The following USP6 variants were observed in gnomAD, a reference collection of about 807,000 sequenced individuals.
USP6 encodes ubiquitin specific peptidase 6, also known as ubiquitin carboxyl-terminal hydrolase 6.
In USP6, 128 loss-of-function variants were observed where a neutral mutation model predicts 175.7. The observed-to-expected ratio is 0.73, with a 90% CI of 0.63 to 0.84. The LOEUF (loss-of-function observed/expected upper bound fraction) is 0.84, where lower values mean the gene tolerates loss of function less well. Ranked by LOEUF, USP6 falls within the 40% of genes least tolerant of loss-of-function variation. The pLI is 0.00. For missense variants in USP6, 1,498 were observed against 1,760.3 expected, an observed-to-expected ratio of 0.85 and a Z score of 2.67; for synonymous variants, 562 against 630.6, an observed-to-expected ratio of 0.89 and a Z score of 1.63.
chr17:5,130,634 G>C lies in USP6; in HGVS notation c.105G>C (p.Gly35=). 1 of 1,613,932 alleles carries C rather than the reference G, an allele frequency of 6.2e-7. No homozygotes were observed. The highest frequency in any genetic ancestry group is 8.5e-7 in the Non-Finnish European group (1 of 1,179,842). Residue 35 remains glycine, a synonymous_variant, in exon 11 of 38, where the codon GGG becomes GGC. Coordinates refer to ENST00000574788, the MANE Select transcript of USP6 (RefSeq NM_001304284.2). The part of the protein sequence containing the change: ...GHRAGLPEDK[G]PEPVGINSSI... ...GAGCTGGGCTGCCAGAGGACAAGGG[G>C]CCTGAGCCCGTTGGAATCAACAGCA...
Position 5,148,545 on chromosome 17 carries a change from T to C in USP6, c.2432-11T>C. On this transcript the variant is annotated splice_polypyrimidine_tract_variant and intron_variant, in intron 29 of 37. Transcript: ENST00000574788. ...AAGCTTATGATGCTGTACTTATCTT[T>C]GAATTTGTAGATTTCTCCTCTTCAC... is the stretch of plus-strand genomic sequence containing the variant. 1 of 1,613,922 alleles carries C rather than the reference T, an allele frequency of 6.2e-7. No individual in the cohort carries two copies. Among genetic ancestry groups the C allele is most frequent in the Non-Finnish European group, 8.5e-7 (1 of 1,179,802 alleles).
chr17:5,167,924 A>G lies in USP6; in HGVS notation c.3037-8A>G, dbSNP rs201878559. 4.6e-4 allele frequency: 740 copies of G among 1,608,996 alleles called. No individual in the cohort carries two copies. Among genetic ancestry groups the G allele is most frequent in the Non-Finnish European group, 5.8e-4 (683 of 1,177,740 alleles). ...ACACCCCTTTCCTCCTGTTCCCTCT[A>G]CCTACAGGTTGTAGATAAGCATGAG... On this transcript the variant is annotated splice_polypyrimidine_tract_variant and splice_region_variant and intron_variant, in intron 33 of 37. Transcript: ENST00000574788.
intron 31 of USP6, among the ~76,000 whole-genome samples, chr17:5,156,210 A>G (rs761499797): frequency 6.6e-6 from 1 of 151,644 alleles, no homozygotes; most frequent in Non-Finnish European, 1.5e-5. Context: ...CCACTGTTCT[A>G]TTTGATTAGT....
At chr17:5,126,136 C>T (rs1310821360) in intron 6 of USP6, among the ~76,000 whole-genome samples, 198 bp downstream of exon 6, 3 of 152,126 alleles carry the variant, frequency 2.0e-5, no homozygotes, top group East Asian at 1.9e-4. Context: ...CTGGTGTTTG[C>T]GCAAGTGCCT....
At chr17:5,165,945 A>G (rs2074087454) in intron 33 of USP6, among the ~76,000 whole-genome samples, 2 of 152,228 alleles carry the variant, frequency 1.3e-5, no homozygotes, top group African/African-American at 4.8e-5. Context: ...CCCAGAAAAT[A>G]TGGTCAATAA....
chr17:5,148,053 A>G (rs570119364), intron 29 of USP6, among the ~76,000 whole-genome samples: 2 of 152,056 alleles, frequency 1.3e-5, no homozygotes, highest in Non-Finnish European at 2.9e-5. Context: ...GCTATGGTGT[A>G]TCTTTTGTAG....
chr17:5,138,265 C>T lies in USP6; in HGVS notation c.1070C>T (p.Pro357Leu), dbSNP rs868579303. ...KKLTRKQGDL[P>L]PPAKREQGSL... is the part of the protein sequence containing the mutation. ...CTAACAAGGAAGCAAGGGGACCTGC[C>T]ACCCCCAGGTGGGCTCCAGTGCCAT... The change falls in exon 21 of 38, where the codon CCA becomes CTA. Residue 357 changes from proline to leucine, a missense_variant. This residue lies in a region of USP6 where 1,217 missense variants were observed against 1,500.8 expected (regional missense o/e 0.81). Coordinates refer to ENST00000574788, the MANE Select transcript of USP6 (RefSeq NM_001304284.2). 1 of 1,613,564 alleles carries T rather than the reference C, an allele frequency of 6.2e-7. No individual in the cohort carries two copies. Among genetic ancestry groups the T allele is most frequent in the Non-Finnish European group, 8.5e-7 (1 of 1,179,924 alleles).
At chr17:5,160,134 A>C (rs1450472960) in intron 31 of USP6, among the ~76,000 whole-genome samples, 1 of 152,180 alleles carries the variant, frequency 6.6e-6, no homozygotes, top group Non-Finnish European at 1.5e-5. Context: ...CTTTCTTTTG[A>C]TTCCTCACTT....
intron 30 of USP6, 99 bp downstream of exon 30, chr17:5,148,866 T>C (rs1163567185): frequency 2.9e-5 from 44 of 1,498,294 alleles, no homozygotes; most frequent in Non-Finnish European, 3.6e-5. Flanking sequence ...CATTTTCTTC[T>C]CTTTTTTCTT....
intron 33 of USP6, among the ~76,000 whole-genome samples, chr17:5,167,538 G>GTC (rs998304584): frequency 6.6e-6 from 1 of 152,010 alleles, no homozygotes; most frequent in African/African-American, 2.4e-5. Context: ...TTGAGACAAG[G>GTC]TCTCTCTCTG....
chr17:5,138,465 G>T (rs1374100753), intron 21 of USP6, among the ~76,000 whole-genome samples, 192 bp downstream of exon 21: 1 of 152,152 alleles, frequency 6.6e-6, no homozygotes, highest in Non-Finnish European at 1.5e-5. Context: ...GTGTATACTG[G>T]ATGTGTTGTG....
intron 18 of USP6, 128 bp downstream of exon 18, chr17:5,136,862 G>T (rs997554137): frequency 7.0e-7 from 1 of 1,430,306 alleles, no homozygotes; most frequent in African/African-American, 1.4e-5. Context: ...GACCTGGGAC[G>T]TCGGGTTCTC....
At chr17:5,148,393 G>A (rs1437195484) in intron 29 of USP6, among the ~76,000 whole-genome samples, 163 bp from the exon 30 acceptor site, 8 of 152,062 alleles carry the variant, frequency 5.3e-5, no homozygotes, top group Non-Finnish European at 1.2e-4. Context: ...AAGTAAAACT[G>A]GAAATTAAAA....
chr17:5,119,079 C>A (rs749213187), intron 2 of USP6, among the ~76,000 whole-genome samples: 10 of 152,184 alleles, frequency 6.6e-5, no homozygotes, highest in Non-Finnish European at 1.3e-4. Flanking sequence ...TTCTCAACTT[C>A]ATGTCCTGCC....
chr17:5,137,087 A>T (rs781745767), intron 18 of USP6, 34 bp from the exon 19 acceptor site: 2 of 1,611,308 alleles, frequency 1.2e-6, no homozygotes, highest in Non-Finnish European at 1.7e-6. Context: ...AGGGCAGCCC[A>T]GGGGGCCCTG....
At chr17:5,139,162 C>T in intron 21 of USP6, 93 bp from the exon 22 acceptor site, 7 of 1,598,134 alleles carry the variant, frequency 4.4e-6, no homozygotes, top group Non-Finnish European at 5.1e-6. Flanking sequence ...ACAGAGACCC[C>T]AAGGACTCCA....
intron 2 of USP6, among the ~76,000 whole-genome samples, chr17:5,118,611 A>C (rs891423799): frequency 6.6e-6 from 1 of 152,226 alleles, no homozygotes; most frequent in African/African-American, 2.4e-5. Flanking sequence ...GCAAAGGGTG[A>C]GTGTGACAGC....
chr17:5,138,531 C>T (rs552766106), intron 21 of USP6, among the ~76,000 whole-genome samples: 8 of 152,080 alleles, frequency 5.3e-5, no homozygotes, highest in East Asian at 1.9e-4. Flanking sequence ...CCACTTTCCA[C>T]GGTGTCTCGC....
intron 31 of USP6, among the ~76,000 whole-genome samples, chr17:5,160,726 C>A (rs1386818610): frequency 6.6e-6 from 1 of 152,306 alleles, no homozygotes; most frequent in South Asian, 2.1e-4. Flanking sequence ...GATTTATAAT[C>A]CTTTGGGTAT....
Sources: allele counts gnomAD v4.1 joint callset (sites outside exome capture counted in the v4.1 genomes callset), GRCh38; gene constraint gnomAD v4.1.1; regional missense constraint gnomAD v4.1.1; transcripts MANE v1.5; gene names NCBI Gene and HGNC (gene_info 2026-07-23, HGNC 2026-07-21).